CADPS2: variants seen among roughly 807,000 people sequenced by gnomAD.
CADPS2 encodes calcium-dependent secretion activator 2.
In CADPS2, 93 loss-of-function variants were observed where a neutral mutation model predicts 172.5. The observed-to-expected ratio is 0.54, with a 90% confidence interval of 0.46 to 0.64. CADPS2 has a LOEUF of 0.64. CADPS2 is among the 30% of genes least tolerant of loss of function. The pLI is 0.00. For missense variants in CADPS2, 1,420 were observed against 1,565.9 expected, an observed-to-expected ratio of 0.91 and a Z score of 1.57; for synonymous variants, 546 against 555.2, an observed-to-expected ratio of 0.98 and a Z score of 0.23.
chr7:122,636,616 TCACCATGCCAAGCTAATTTTTG>T (rs931919116), intron 3 of CADPS2, among the ~76,000 whole-genome samples: 1 of 151,800 alleles, frequency 6.6e-6, no homozygotes, highest in Non-Finnish European at 1.5e-5. Context: ...CAGGTGCACA[TCACCATGCCAAGCTAATTTTTG>T]TATTTTTAGT....
chr7:122,578,565 C>G (rs1216867069), intron 7 of CADPS2, among the ~76,000 whole-genome samples: 3 of 152,072 alleles, frequency 2.0e-5, no homozygotes, highest in African/African-American at 4.8e-5. Flanking sequence ...CTCAGCAGAT[C>G]TAGAGTGGGG....
At chr7:122,650,480 A>C (rs1563964025) in intron 3 of CADPS2, among the ~76,000 whole-genome samples, 1 of 152,136 alleles carries the variant, frequency 6.6e-6, no homozygotes. Flanking sequence ...AAAAAGTGGA[A>C]AGTTGGGATA....
chr7:122,518,866 C>T lies in CADPS2; in HGVS notation c.1476-5551G>A, dbSNP rs189637655. Among the ~76,000 whole-genome samples the T allele has an allele frequency of 6.6e-5, 10 of 151,900 alleles. 1 individual carries two copies. Among genetic ancestry groups the T allele is most frequent in the Admixed American group, 3.9e-4 (6 of 15,216 alleles). On this transcript the variant is annotated intron_variant, in intron 8 of 29. Transcript: ENST00000449022. Reference sequence around the variant, plus strand: ...TAATGAGTACTGTGAATTTTTTTCACGTGATTTTAAAGAGGAAAGCAGATT... The same window carrying T: ...TAATGAGTACTGTGAATTTTTTTCATGTGATTTTAAAGAGGAAAGCAGATT...
At chr7:122,771,279 T>C (rs2093696928) in intron 1 of CADPS2, among the ~76,000 whole-genome samples, 1 of 152,190 alleles carries the variant, frequency 6.6e-6, no homozygotes, top group Non-Finnish European at 1.5e-5. Flanking sequence ...GTAAAAGGAT[T>C]AGACTAATCT....
chr7:122,479,215 G>A (rs562940366), intron 12 of CADPS2, among the ~76,000 whole-genome samples: 2 of 152,128 alleles, frequency 1.3e-5, no homozygotes, highest in Non-Finnish European at 2.9e-5. Flanking sequence ...AGAAGCAAAT[G>A]ACTCTTTTGA....
intron 1 of CADPS2, among the ~76,000 whole-genome samples, chr7:122,819,102 A>T (rs1362199941): frequency 6.6e-6 from 1 of 152,204 alleles, no homozygotes; most frequent in African/African-American, 2.4e-5. Context: ...GACAAACCCC[A>T]GCCACATCTC....
At chr7:122,543,803 C>T (rs747294761) in intron 8 of CADPS2, among the ~76,000 whole-genome samples, 1 of 152,074 alleles carries the variant, frequency 6.6e-6, no homozygotes, top group Non-Finnish European at 1.5e-5. Flanking sequence ...TGTGTATCCA[C>T]TATGTTCTGA....
chr7:122,367,238 A>G (rs758277199), intron 25 of CADPS2, among the ~76,000 whole-genome samples: 25 of 152,200 alleles, frequency 1.6e-4, no homozygotes, highest in Non-Finnish European at 3.5e-4. Flanking sequence ...TCTTCTATCT[A>G]TCCTATTCTT....
intron 25 of CADPS2, among the ~76,000 whole-genome samples, chr7:122,377,176 C>T (rs2042459512): frequency 6.6e-6 from 1 of 152,104 alleles, no homozygotes; most frequent in Admixed American, 6.6e-5. Context: ...TTTAATTTCT[C>T]AGCTTCACTA....
intron 3 of CADPS2, among the ~76,000 whole-genome samples, chr7:122,645,399 ATG>A (rs1491520336): frequency 1.8e-4 from 9 of 50,450 alleles, no homozygotes; most frequent in African/African-American, 4.0e-4. Flanking sequence ...GTGTGTATAT[ATG>A]TACATATACA....
At position 122,412,895 on chromosome 7, in the gene CADPS2, C is replaced by A. The variant is rs1466192889; in HGVS notation, c.2589+1173G>T. ...GACATCACCAGGTTTGCATTGTGAT[C>A]ACCACGCTATGCATCTACATCCCTG... On this transcript the variant is annotated intron_variant, in intron 19 of 29. Transcript: ENST00000449022. The A allele has an allele frequency of 2.6e-5, 4 of 152,250 alleles. No homozygotes were observed. The East Asian group carries it at 7.7e-4, about 29-fold the overall frequency. The allele number at this position is 152,250 out of a possible 1,614,324, so 9.4% of individuals were successfully genotyped here. A position where few individuals can be genotyped will look rare whatever the true frequency, so the allele number is the denominator to read the frequency against.
At chr7:122,697,606 T>C (rs899985279) in intron 2 of CADPS2, 3 of 536,122 alleles carry the variant, frequency 5.6e-6, no homozygotes, top group Non-Finnish European at 9.6e-6. Context: ...AGGTCCAAAA[T>C]TGCACAAAAA....
chr7:122,559,359 C>G (rs910430323), intron 7 of CADPS2, among the ~76,000 whole-genome samples: 1 of 152,128 alleles, frequency 6.6e-6, no homozygotes, highest in African/African-American at 2.4e-5. Context: ...TCAACTTTTT[C>G]TCTGTTCCCT....
intron 8 of CADPS2, among the ~76,000 whole-genome samples, chr7:122,538,991 A>T (rs2062622776): frequency 6.6e-6 from 1 of 152,224 alleles, no homozygotes; most frequent in African/African-American, 2.4e-5. Context: ...TGGATGTTTA[A>T]TGAAAAAAAT....
intron 3 of CADPS2, among the ~76,000 whole-genome samples, chr7:122,655,634 G>A (rs1035837912): frequency 1.3e-5 from 2 of 151,818 alleles, no homozygotes; most frequent in African/African-American, 4.8e-5. Context: ...CTGCTTTATT[G>A]CAATATTCAC....
intron 2 of CADPS2, among the ~76,000 whole-genome samples, chr7:122,678,297 A>G (rs1564039195): frequency 6.6e-6 from 1 of 152,238 alleles, no homozygotes; most frequent in Non-Finnish European, 1.5e-5. Context: ...CAATGTTATT[A>G]ACTGTAAATG....
intron 6 of CADPS2, among the ~76,000 whole-genome samples, chr7:122,609,032 T>C (rs2073961748): frequency 6.6e-6 from 1 of 151,988 alleles, no homozygotes; most frequent in Admixed American, 6.6e-5. Flanking sequence ...TACAAAAAAA[T>C]GACAAAATTA....
Position 122,886,301 on chromosome 7 carries a change from C to T in CADPS2, c.37G>A (p.Glu13Lys). 1 of 1,503,832 alleles carries T rather than the reference C, an allele frequency of 6.6e-7. No homozygotes were observed. The highest frequency in any genetic ancestry group is 8.8e-7 in the Non-Finnish European group (1 of 1,134,862). 93.2% of individuals were successfully genotyped at this position (1,503,832 alleles called of 1,614,324 possible). Reference sequence around the variant, plus strand: ...TCGCGGCTTTCCTCTTCCAGCCCCTCGTCCGACTCCTCTTCGCTGGAAGAC... The same window carrying T: ...TCGCGGCTTTCCTCTTCCAGCCCCTTGTCCGACTCCTCTTCGCTGGAAGAC... ...DPSSSEEESD[E>K]GLEEESRDVL... The change falls in exon 1 of 30, where the codon GAG becomes AAG. Residue 13 changes from glutamate to lysine, a missense_variant. Transcript: ENST00000449022.
intron 8 of CADPS2, among the ~76,000 whole-genome samples, chr7:122,554,260 A>G (rs1328754074): frequency 2.6e-5 from 4 of 152,166 alleles, no homozygotes; most frequent in Non-Finnish European, 4.4e-5. Context: ...CTTAGAAGGT[A>G]TCAGTGCCCT....
Sources: gnomAD v4.1 joint callset for allele counts (sites outside exome capture counted in the v4.1 genomes callset) on GRCh38, gnomAD v4.1.1 for gene constraint, MANE v1.5 for transcripts, NCBI Gene and HGNC (gene_info 2026-07-23, HGNC 2026-07-21) for gene names.